SIRT1: variants seen among roughly 807,000 people sequenced by gnomAD.
The protein encoded by SIRT1 is sirtuin 1.
Under a neutral mutation model 67.9 loss-of-function variants are expected in SIRT1, and 24 were observed. That is an observed-to-expected ratio of 0.35 (90% confidence interval 0.26 to 0.50). The LOEUF is 0.50. SIRT1 is among the 20% of genes least tolerant of loss of function. SIRT1 has a pLI of 0.98. For synonymous variants in SIRT1, 378 were observed against 350.7 expected, an observed-to-expected ratio of 1.08 and a Z score of -0.87; for missense variants, 873 against 937.2, an observed-to-expected ratio of 0.93 and a Z score of 0.89.
intron 4 of SIRT1, among the ~76,000 whole-genome samples, chr10:67,893,898 A>G (rs1842613238): frequency 6.6e-6 from 1 of 152,200 alleles, no homozygotes; most frequent in African/African-American, 2.4e-5. Context: ...CTTTCAGACC[A>G]TGTGGTATAT....
intron 4 of SIRT1, chr10:67,906,133 T>C: frequency 2.3e-6 from 3 of 1,291,376 alleles, no homozygotes; most frequent in South Asian, 5.5e-5. Flanking sequence ...CTTTTTGCCA[T>C]GTGTATATCT....
At chr10:67,908,210 A>C in intron 6 of SIRT1, 85 bp downstream of exon 6, 2 of 1,103,186 alleles carry the variant, frequency 1.8e-6, no homozygotes, top group South Asian at 2.7e-5. Context: ...TACCCCTTTA[A>C]AGTATATATG....
intron 4 of SIRT1, among the ~76,000 whole-genome samples, chr10:67,892,872 G>T (rs1209209102): frequency 2.0e-5 from 3 of 152,162 alleles, no homozygotes; most frequent in Admixed American, 1.3e-4. Flanking sequence ...AAGGCTCTGG[G>T]ATTATAGGCG....
Position 67,917,642 on chromosome 10 carries a change from C to A in SIRT1, c.*1049C>A, listed in dbSNP as rs1354866459. On this transcript the variant is annotated 3_prime_UTR_variant, in exon 9 of 9. Transcript: ENST00000212015. Reference sequence around the variant, plus strand: ...AAGTAATAAGATGTTAATTGTAATTCAGCCAGAAAGTACATGTCTCCCATT... The same window carrying A: ...AAGTAATAAGATGTTAATTGTAATTAAGCCAGAAAGTACATGTCTCCCATT... The A allele has an allele frequency of 6.6e-6, 1 of 152,572 alleles. No homozygotes were observed. Among genetic ancestry groups the A allele is most frequent in the African/African-American group, 2.4e-5 (1 of 41,422 alleles). The allele number at this position is 152,572 out of a possible 1,614,324, so 9.5% of individuals were successfully genotyped here. A position where few individuals can be genotyped will look rare whatever the true frequency, so the allele number is the denominator to read the frequency against.
At chr10:67,889,436 A>T (rs752323506) in intron 3 of SIRT1, among the ~76,000 whole-genome samples, 5 of 152,198 alleles carry the variant, frequency 3.3e-5, no homozygotes, top group African/African-American at 4.8e-5. Flanking sequence ...TTGTTAAGGG[A>T]TGTCAGTCTG....
chr10:67,909,493 TTG>T (rs759008883), intron 7 of SIRT1, 51 bp downstream of exon 7: 22 of 1,498,396 alleles, frequency 1.5e-5, no homozygotes, highest in Non-Finnish European at 1.9e-5. Context: ...ATGTCATGGG[TTG>T]TGGGTCTGTA....
chr10:67,890,647 T>A (rs1041705692), intron 3 of SIRT1, among the ~76,000 whole-genome samples: 1 of 151,896 alleles, frequency 6.6e-6, no homozygotes, highest in Non-Finnish European at 1.5e-5. Context: ...GTGGGAGGAT[T>A]GCTTGAGCCG....
At chr10:67,885,271 C>G (rs1286930627) in intron 1 of SIRT1, 120 bp downstream of exon 1, 6 of 1,246,654 alleles carry the variant, frequency 4.8e-6, no homozygotes, top group South Asian at 6.8e-5. Flanking sequence ...TTCCCCTCCC[C>G]ACCCCGGCCC....
rs989153228 is a variant in SIRT1 at position 67,908,124 on chromosome 10, A to G, written c.1169A>G (p.Gln390Arg). 13 of 1,612,082 alleles carry G rather than the reference A, an allele frequency of 8.1e-6. No homozygotes were observed. The highest frequency in any genetic ancestry group is 1.3e-5 in the African/African-American group (1 of 74,876). The change falls in exon 6 of 9, where the codon CAG (glutamine) becomes CGG (arginine). Residue 390 changes from glutamine (Q) to arginine (R), a missense_variant and splice_region_variant. Gln to Arg is a conservative substitution (Grantham distance 43). Around this residue, in one of 3 missense-constraint regions of SIRT1, gnomAD observed 251 missense variants for 358.8 expected, o/e 0.70. Transcript: ENST00000212015. ...GCTGTACGAGGAGATATTTTTAATC[A>G]GGTAATTTGTTGCCCATATTTTAGG... ...CEAVRGDIFNQVVPRCPRCPA... is the reference protein window; with the variant it reads ...CEAVRGDIFNRVVPRCPRCPA...
At chr10:67,904,057 G>GT (rs1291166427) in intron 4 of SIRT1, among the ~76,000 whole-genome samples, 2 of 151,552 alleles carry the variant, frequency 1.3e-5, no homozygotes, top group East Asian at 3.9e-4. Context: ...CTTAGGAGGA[G>GT]TGGTATATTA....
intron 4 of SIRT1, among the ~76,000 whole-genome samples, chr10:67,896,210 C>G (rs555540989): frequency 1.5e-4 from 23 of 152,298 alleles, no homozygotes; most frequent in African/African-American, 5.3e-4. Context: ...TCGTTGCAGC[C>G]TTGAACTCCT....
intron 4 of SIRT1, among the ~76,000 whole-genome samples, chr10:67,899,678 G>A (rs1842711605): frequency 1.3e-5 from 2 of 152,142 alleles, no homozygotes; most frequent in African/African-American, 4.8e-5. Context: ...AAAGAAGGCT[G>A]TGTAGCATTC....
chr10:67,896,094 T>C (rs1240274657), intron 4 of SIRT1, among the ~76,000 whole-genome samples: 6 of 152,118 alleles, frequency 3.9e-5, no homozygotes, highest in Non-Finnish European at 8.8e-5. Context: ...GTTAAGGAAG[T>C]TATTGCTCTG....
intron 1 of SIRT1, among the ~76,000 whole-genome samples, chr10:67,886,894 G>T: frequency 6.7e-6 from 1 of 150,332 alleles, no homozygotes. Context: ...TTTAAAAGGT[G>T]GAGTTTCGCT....
intron 4 of SIRT1, among the ~76,000 whole-genome samples, chr10:67,899,394 A>G (rs549390263): frequency 4.0e-5 from 6 of 151,890 alleles, no homozygotes; most frequent in African/African-American, 1.2e-4. Context: ...GTATCTTTCA[A>G]AAATCATATA....
intron 4 of SIRT1, among the ~76,000 whole-genome samples, chr10:67,894,748 T>G (rs35503617): frequency 1.4e-4 from 21 of 152,264 alleles, no homozygotes; most frequent in African/African-American, 4.8e-4. Context: ...TCTTGCTCTG[T>G]TGCCAGGCTG....
chr10:67,912,610 C>G lies in SIRT1; in HGVS notation c.1494C>G (p.Ala498=). ...ELCHRLGGEY[A]KLCCNPVKLS... ...GTCATAGGTTAGGTGGTGAATATGC[C>G]AAACTTTGCTGTAACCCTGTAAAGC... The change falls in exon 8 of 9, where the codon GCC becomes GCG. Residue 498 remains alanine (A), a synonymous_variant. Coordinates refer to ENST00000212015, the MANE Select transcript of SIRT1 (RefSeq NM_012238.5). 1.2e-6 allele frequency: 2 copies of G among 1,613,998 alleles called. No homozygotes were observed. Among genetic ancestry groups the G allele is most frequent in the Non-Finnish European group, 1.7e-6 (2 of 1,180,008 alleles).
At chr10:67,911,788 C>T (rs578102826) in intron 7 of SIRT1, among the ~76,000 whole-genome samples, 53 of 129,354 alleles carry the variant, frequency 4.1e-4, no homozygotes, top group African/African-American at 1.8e-3. Flanking sequence ...CCCTCCCTCC[C>T]TCCCTCCTAT....
intron 4 of SIRT1, among the ~76,000 whole-genome samples, chr10:67,903,509 C>T (rs913511986): frequency 6.6e-6 from 1 of 151,912 alleles, no homozygotes; most frequent in Admixed American, 6.6e-5. Context: ...CTTAGCCTCC[C>T]GAGTAGTGGG....
Sources: allele counts gnomAD v4.1 joint callset (sites outside exome capture counted in the v4.1 genomes callset), GRCh38; gene constraint gnomAD v4.1.1; regional missense constraint gnomAD v4.1.1; transcripts MANE v1.5; gene names NCBI Gene and HGNC (gene_info 2026-07-23, HGNC 2026-07-21).